The following DSC1 variants were observed in gnomAD, a reference collection of about 807,000 sequenced individuals.
The protein encoded by DSC1 is desmocollin 1.
In DSC1, 79 loss-of-function variants were observed where a neutral mutation model predicts 98.8. That is an observed-to-expected ratio of 0.80 (90% confidence interval 0.67 to 0.96). DSC1 has a LOEUF of 0.96. Among genes scored for constraint, DSC1 ranks in the 50% least tolerant of loss-of-function variants. DSC1 has a pLI of 0.00. For missense variants in DSC1, 1,115 were observed against 1,075.9 expected (o/e 1.04, Z -0.51); for synonymous variants, 405 against 372.1 (o/e 1.09, Z -1.02).
In DSC1 at chr18:31,134,059, C is replaced by T; in HGVS notation, c.1948G>A (p.Asp650Asn). ...TGTGTTGCAACTAAACCATGCCTGT[C>T]TTTTATTTGAATAGGCACAGAATAA... is the stretch of plus-strand genomic sequence containing the variant. The part of the protein sequence containing the change: ...NYYSVPIQIK[D>N]RHGLVATHML... The change falls in exon 13 of 16, where the codon GAC becomes AAC. Residue 650 changes from aspartate (D) to asparagine (N), a missense_variant. By Grantham distance (23) the Asp-to-Asn change is conservative. Transcript: ENST00000257198. The T allele has an allele frequency of 6.2e-7, 1 of 1,611,894 alleles. No individual in the cohort carries two copies. Among genetic ancestry groups the T allele is most frequent in the Non-Finnish European group, 8.5e-7 (1 of 1,179,518 alleles).
chr18:31,159,049 T>TTTTTTTTTTGTTTG lies in DSC1; in HGVS notation c.148+395_148+396insCAAACAAAAAAAAA, dbSNP rs1555646393. The stretch of plus-strand genomic sequence containing the variant: ...TAACTTCAAGTAGCTACTATGTGGT[T>TTTTTTTTTTGTTTG]TTTTTTTTTTTTTTTGAGACAGAGT... On this transcript the variant is annotated intron_variant, in intron 2 of 15. Coordinates refer to ENST00000257198, the MANE Select transcript of DSC1 (RefSeq NM_024421.2). Among the ~76,000 whole-genome samples, 559 of 85,698 alleles carry TTTTTTTTTTGTTTG rather than the reference T, an allele frequency of 6.5e-3. 24 individuals carry two copies. Among genetic ancestry groups the TTTTTTTTTTGTTTG allele is most frequent in the African/African-American group, 0.024 (534 of 21,866 alleles). The allele number at this position is 85,698 out of a possible 152,430, so 56.2% of individuals were successfully genotyped here. A position where few individuals can be genotyped will look rare whatever the true frequency, so the allele number is the denominator to read the frequency against.
chr18:31,145,535 A>C, intron 7 of DSC1, 76 bp downstream of exon 7: 1 of 1,540,188 alleles, frequency 6.5e-7, no homozygotes, highest in South Asian at 1.2e-5. Flanking sequence ...GACTGGCCAT[A>C]TTGCAACTTC....
At chr18:31,154,326 C>A (rs1053500407) in intron 5 of DSC1, among the ~76,000 whole-genome samples, 6 of 149,902 alleles carry the variant, frequency 4.0e-5, no homozygotes, top group Non-Finnish European at 7.4e-5. Context: ...CCAACACTTA[C>A]ACATTTAGAA....
chr18:31,144,915 A>G (rs1988809495), intron 7 of DSC1, among the ~76,000 whole-genome samples: 1 of 149,852 alleles, frequency 6.7e-6, no homozygotes, highest in African/African-American at 2.5e-5. Flanking sequence ...AGTATATGGG[A>G]ACCGTCTGTA....
chr18:31,147,333 T>C (rs1195186052), intron 6 of DSC1, among the ~76,000 whole-genome samples: 1 of 152,110 alleles, frequency 6.6e-6, no homozygotes, highest in Non-Finnish European at 1.5e-5. Context: ...ATGTACATGG[T>C]AAAAATATAA....
intron 13 of DSC1, 117 bp from the exon 14 acceptor site, chr18:31,132,806 G>C (rs1988525535): frequency 2.2e-6 from 2 of 904,834 alleles, no homozygotes; most frequent in Non-Finnish European, 3.2e-6. Flanking sequence ...GAGCTCTTCA[G>C]GTCACAAGAT....
At chr18:31,143,513 T>C in intron 8 of DSC1, 144 bp downstream of exon 8, 1 of 550,744 alleles carries the variant, frequency 1.8e-6, no homozygotes. Flanking sequence ...ACAGAAATCA[T>C]ATTTTTCTCC....
At chr18:31,148,672 T>G in intron 5 of DSC1, 30 bp from the exon 6 acceptor site, 1 of 1,516,870 alleles carries the variant, frequency 6.6e-7, no homozygotes, top group South Asian at 1.3e-5. Flanking sequence ...CATCAATGTA[T>G]TCTCAAACCA....
rs770483568 is a variant in DSC1 at position 31,131,579 on chromosome 18, G to T, written c.2487+15C>A. 1.9e-6 allele frequency: 3 copies of T among 1,613,720 alleles called. No individual in the cohort carries two copies. The highest frequency in any genetic ancestry group is 2.5e-6 in the Non-Finnish European group (3 of 1,179,744). Reference sequence around the variant, plus strand: ...AACTTCCATGTAATATGACCTCAAAGACAGTGGAACTTACTTCGCCAAGCC... The same window carrying T: ...AACTTCCATGTAATATGACCTCAAATACAGTGGAACTTACTTCGCCAAGCC... On this transcript the variant is annotated intron_variant, in intron 15 of 15. Transcript: ENST00000257198.
intron 13 of DSC1, among the ~76,000 whole-genome samples, chr18:31,133,185 A>T (rs1361377242): frequency 6.6e-6 from 1 of 152,166 alleles, no homozygotes; most frequent in African/African-American, 2.4e-5. Flanking sequence ...TTATAGGAAA[A>T]GTTTGTAAAT....
At chr18:31,138,754 G>GAAA (rs11404108) in intron 11 of DSC1, among the ~76,000 whole-genome samples, 2 of 150,674 alleles carry the variant, frequency 1.3e-5, no homozygotes, top group Admixed American at 6.6e-5. Context: ...ATAGACACAG[G>GAAA]AAAAAAAAAC....
chr18:31,158,827 G>T (rs1341252710), intron 2 of DSC1, among the ~76,000 whole-genome samples: 1 of 152,050 alleles, frequency 6.6e-6, no homozygotes, highest in Non-Finnish European at 1.5e-5. Flanking sequence ...AATTTTGGCA[G>T]CAGATTAGTT....
chr18:31,153,717 C>A (rs978915252), intron 5 of DSC1, among the ~76,000 whole-genome samples: 1 of 152,170 alleles, frequency 6.6e-6, no homozygotes, highest in Non-Finnish European at 1.5e-5. Flanking sequence ...ATTTCACACT[C>A]TTCCTTAGCT....
intron 8 of DSC1, among the ~76,000 whole-genome samples, chr18:31,143,341 A>G (rs1988774785): frequency 6.6e-6 from 1 of 151,128 alleles, no homozygotes; most frequent in Non-Finnish European, 1.5e-5. Context: ...TAAAGATTTA[A>G]TGCCAAGGAA....
At chr18:31,161,351 T>G (rs1445916554) in intron 1 of DSC1, among the ~76,000 whole-genome samples, 4 of 151,328 alleles carry the variant, frequency 2.6e-5, no homozygotes, top group African/African-American at 9.8e-5. Context: ...TGTGCGTGTG[T>G]GTATATATAT....
intron 11 of DSC1, among the ~76,000 whole-genome samples, chr18:31,138,690 G>A (rs894195093): frequency 1.3e-5 from 2 of 151,560 alleles, no homozygotes; most frequent in African/African-American, 4.8e-5. Context: ...TAATTACCAT[G>A]GAATTTCATA....
chr18:31,132,024 G>A, intron 14 of DSC1, 182 bp from the exon 15 acceptor site: 1 of 671,454 alleles, frequency 1.5e-6, no homozygotes, highest in South Asian at 1.9e-5. Flanking sequence ...AAATTCATAT[G>A]CCCTAACCCT....
chr18:31,131,027 T>C (rs1988477175), intron 15 of DSC1, among the ~76,000 whole-genome samples: 1 of 152,218 alleles, frequency 6.6e-6, no homozygotes, highest in African/African-American at 2.4e-5. Context: ...CTTCTTCACG[T>C]ATTTGAGGAA....
chr18:31,137,915 G>A (rs1250873735), intron 11 of DSC1, among the ~76,000 whole-genome samples: 1 of 149,948 alleles, frequency 6.7e-6, no homozygotes, highest in African/African-American at 2.5e-5. Flanking sequence ...TCTAAGACAG[G>A]TAGAATACCT....
Sources: allele counts gnomAD v4.1 joint callset (sites outside exome capture counted in the v4.1 genomes callset), GRCh38; gene constraint gnomAD v4.1.1; transcripts MANE v1.5; gene names NCBI Gene and HGNC (gene_info 2026-07-23, HGNC 2026-07-21).